The following PTPRN2 variants were observed in gnomAD, a reference collection of about 807,000 sequenced individuals.
PTPRN2 encodes the protein receptor-type tyrosine-protein phosphatase N2.
A neutral mutation model predicts 118.8 loss-of-function variants in PTPRN2; 74 were observed. The observed-to-expected ratio is 0.62, with a 90% CI of 0.52 to 0.76. The LOEUF (loss-of-function observed/expected upper bound fraction) is 0.76, where lower values mean the gene tolerates loss of function less well. PTPRN2 is among the 30% of genes least tolerant of loss of function. PTPRN2 has a pLI of 0.00. For synonymous variants in PTPRN2, 641 were observed against 608.0 expected, an observed-to-expected ratio of 1.05 and a Z score of -0.80; for missense variants, 1,481 against 1,394.4, an observed-to-expected ratio of 1.06 and a Z score of -0.99.
At chr7:157,937,098 G>T (rs1473766846) in intron 11 of PTPRN2, among the ~76,000 whole-genome samples, 2 of 152,186 alleles carry the variant, frequency 1.3e-5, no homozygotes, top group African/African-American at 4.8e-5. Flanking sequence ...ACCTTCTCTG[G>T]GAAGCCCTCC....
intron 11 of PTPRN2, among the ~76,000 whole-genome samples, chr7:158,012,535 T>C (rs10949687): frequency 0.79 from 120,170 of 152,250 alleles, 47,469 homozygotes; most frequent in East Asian, 0.81. Context: ...TACGGAGGCA[T>C]GGGCAGTGGC....
intron 12 of PTPRN2, among the ~76,000 whole-genome samples, chr7:157,710,751 C>T (rs1361816728): frequency 7.4e-6 from 1 of 134,262 alleles, no homozygotes; most frequent in Non-Finnish European, 1.7e-5. Context: ...GCCTGGCCCT[C>T]AGCCCGCCCA....
Position 158,509,345 on chromosome 7 carries a change from G to A in PTPRN2, c.113-19560C>T, listed in dbSNP as rs559373901. On this transcript the variant is annotated intron_variant, in intron 1 of 22. Coordinates refer to ENST00000389418, the MANE Select transcript of PTPRN2 (RefSeq NM_002847.5). This position sits in a 1 kb window ranked among gnomAD's most constrained non-coding sequence, Gnocchi z 4.4. Reference sequence around the variant, plus strand: ...CTAACGTGCAATCGGGGCTGGAGCCGGAGACCCCTCCACCCTGCAGTCAGG... The same window carrying A: ...CTAACGTGCAATCGGGGCTGGAGCCAGAGACCCCTCCACCCTGCAGTCAGG... 5.3e-5 allele frequency among the ~76,000 whole-genome samples: 8 copies of A among 152,250 alleles called. No homozygotes were observed. The South Asian group carries it at 8.3e-4, about 16-fold the overall frequency.
chr7:158,577,852 T>C (rs1554539095), intron 1 of PTPRN2, among the ~76,000 whole-genome samples: 2 of 152,232 alleles, frequency 1.3e-5, no homozygotes, highest in African/African-American at 2.4e-5. Flanking sequence ...GAAAGGGCCC[T>C]GTGCAAACTC....
chr7:158,087,423 C>A (rs377552431), intron 10 of PTPRN2, among the ~76,000 whole-genome samples: 25 of 152,188 alleles, frequency 1.6e-4, no homozygotes, highest in Admixed American at 9.2e-4. Flanking sequence ...TGGTAAGAAG[C>A]GTCTGATGCA....
Position 158,416,807 on chromosome 7 carries a change from G to A in PTPRN2, c.163+72928C>T, listed in dbSNP as rs77284531. ...GCAGGGAAGTGGCTGTGAGGGAAAC[G>A]ATGATATCCAGGGGAAATGGGGCAA... On this transcript the variant is annotated intron_variant, in intron 2 of 22. Transcript: ENST00000389418. Among the ~76,000 whole-genome samples the A allele has an allele frequency of 3.3e-4, 51 of 152,296 alleles. No individual in the cohort carries two copies. The East Asian group carries it at 9.1e-3, about 27-fold the overall frequency.
At chr7:158,268,138 G>A (rs570834860) in intron 3 of PTPRN2, among the ~76,000 whole-genome samples, 11 of 152,324 alleles carry the variant, frequency 7.2e-5, no homozygotes, top group East Asian at 1.9e-4. Flanking sequence ...TCATTGAGCC[G>A]CCAGCTAATT....
At position 158,045,065 on chromosome 7, in the gene PTPRN2, T is replaced by A. The variant is rs947761215; in HGVS notation, c.1723+36233A>T. Among the ~76,000 whole-genome samples the A allele has an allele frequency of 3.9e-5, 6 of 152,210 alleles. No individual in the cohort carries two copies. In the South Asian group the frequency reaches 1.0e-3, roughly 26 times the overall value. On this transcript the variant is annotated intron_variant, in intron 11 of 22. Coordinates refer to ENST00000389418, the MANE Select transcript of PTPRN2 (RefSeq NM_002847.5). Reference sequence around the variant, plus strand: ...ATGGTGCTATCCACTTAAACCCTACTGGGCTGAACTTACACATATGCATGA... The same window carrying A: ...ATGGTGCTATCCACTTAAACCCTACAGGGCTGAACTTACACATATGCATGA...
At chr7:158,146,061 T>C (rs1819947742) in intron 6 of PTPRN2, among the ~76,000 whole-genome samples, 1 of 106,306 alleles carries the variant, frequency 9.4e-6, no homozygotes, top group South Asian at 2.9e-4. Context: ...TTTCCACTCT[T>C]TTCCCCCTTT....
chr7:158,101,502 A>C (rs150549347), intron 10 of PTPRN2, among the ~76,000 whole-genome samples: 1 of 152,244 alleles, frequency 6.6e-6, no homozygotes, highest in African/African-American at 2.4e-5. Flanking sequence ...AAATGCAACA[A>C]AAACAATGAT....
At chr7:157,778,089 A>T (rs745857689) in intron 12 of PTPRN2, among the ~76,000 whole-genome samples, 3 of 152,232 alleles carry the variant, frequency 2.0e-5, no homozygotes, top group Non-Finnish European at 4.4e-5. Flanking sequence ...AAGTGAGCAC[A>T]GCAAACTCCG....
chr7:157,646,023 C>A (rs772326627), intron 14 of PTPRN2, among the ~76,000 whole-genome samples: 6 of 152,202 alleles, frequency 3.9e-5, no homozygotes, highest in Admixed American at 1.3e-4. Flanking sequence ...TGAAGGGCCT[C>A]CTTTCAGGGA....
intron 2 of PTPRN2, among the ~76,000 whole-genome samples, chr7:158,432,455 G>C (rs924205020): frequency 6.6e-6 from 1 of 152,212 alleles, no homozygotes; most frequent in South Asian, 2.1e-4. Flanking sequence ...GTGTTCAGGA[G>C]GGGGAGGGTG....
intron 11 of PTPRN2, among the ~76,000 whole-genome samples, chr7:158,063,593 T>G (rs1224565219): frequency 6.6e-6 from 1 of 152,194 alleles, no homozygotes; most frequent in Non-Finnish European, 1.5e-5. Flanking sequence ...GCTCACTCTT[T>G]GGGTCTGCAC....
intron 2 of PTPRN2, among the ~76,000 whole-genome samples, chr7:158,337,437 G>A (rs1586353906): frequency 2.3e-5 from 3 of 133,158 alleles, no homozygotes; most frequent in East Asian, 2.4e-4. Context: ...CATAAGAGGT[G>A]ACACCCACAG....
At chr7:158,475,341 T>C (rs1820175488) in intron 2 of PTPRN2, among the ~76,000 whole-genome samples, 2 of 137,432 alleles carry the variant, frequency 1.5e-5, no homozygotes, top group South Asian at 4.5e-4. Flanking sequence ...CTCTTCCTCC[T>C]GCGAGTGGGA....
intron 1 of PTPRN2, among the ~76,000 whole-genome samples, chr7:158,540,415 C>CCATG (rs1162605347): frequency 2.0e-5 from 3 of 152,056 alleles, no homozygotes; most frequent in African/African-American, 7.2e-5. Flanking sequence ...CTCTGGGGCT[C>CCATG]CATGGCTGGG....
At chr7:158,305,792 C>CAAA (rs113374723) in intron 3 of PTPRN2, among the ~76,000 whole-genome samples, 131 of 116,242 alleles carry the variant, frequency 1.1e-3, no homozygotes, top group African/African-American at 3.7e-3. Flanking sequence ...GCAATTTACT[C>CAAA]AAAAAAAAAA....
intron 13 of PTPRN2, among the ~76,000 whole-genome samples, chr7:157,666,108 A>G (rs999217375): frequency 1.3e-5 from 2 of 151,930 alleles, no homozygotes; most frequent in Non-Finnish European, 2.9e-5. Flanking sequence ...CGTTGTGCAC[A>G]TGTACCCTAG....
Sources: gnomAD v4.1 joint callset for allele counts (sites outside exome capture counted in the v4.1 genomes callset) on GRCh38, gnomAD v4.1.1 for gene constraint, Gnocchi (gnomAD v3.1) non-coding constraint, MANE v1.5 for transcripts, NCBI Gene and HGNC (gene_info 2026-07-23, HGNC 2026-07-21) for gene names.